The following WDR49 variants were observed in gnomAD, a reference collection of about 807,000 sequenced individuals.
The protein encoded by WDR49 is WD repeat domain 49.
A neutral mutation model predicts 119.5 loss-of-function variants in WDR49; 107 were observed. That is an observed-to-expected ratio of 0.90 (90% CI 0.77 to 1.05). The LOEUF (loss-of-function observed/expected upper bound fraction) is 1.05, where lower values mean the gene tolerates loss of function less well. WDR49 is among the 50% of genes least tolerant of loss of function. The pLI is 0.00. For missense variants in WDR49, 1,240 were observed against 1,220.5 expected (o/e 1.02, Z -0.24); for synonymous variants, 425 against 418.8 (o/e 1.01, Z -0.18).
intron 18 of WDR49, among the ~76,000 whole-genome samples, chr3:167,492,843 T>C (rs1210984489): frequency 1.4e-5 from 2 of 138,820 alleles, no homozygotes; most frequent in Non-Finnish European, 1.6e-5. Context: ...AAGACATCCA[T>C]TATCACCTCA....
At chr3:167,539,120 G>C (rs770731235) in intron 10 of WDR49, among the ~76,000 whole-genome samples, 1 of 152,114 alleles carries the variant, frequency 6.6e-6, no homozygotes, top group Non-Finnish European at 1.5e-5. Flanking sequence ...TGCTCAAAAA[G>C]TTTAAGGAAG....
At chr3:167,575,192 C>A (rs1714168506) in intron 8 of WDR49, 1 of 985,328 alleles carries the variant, frequency 1.0e-6, no homozygotes, top group Non-Finnish European at 1.2e-6. Context: ...AGCAGGCTAA[C>A]CTCTGATGTT....
intron 18 of WDR49, among the ~76,000 whole-genome samples, chr3:167,479,614 T>C (rs924243749): frequency 5.9e-5 from 9 of 152,176 alleles, no homozygotes; most frequent in Non-Finnish European, 1.0e-4. Context: ...TGTTGAGGCA[T>C]AAATGAGGCA....
Position 167,522,350 on chromosome 3 carries a change from T to C in WDR49, c.2739A>G (p.Leu913=). Residue 913 remains leucine (L), a synonymous_variant, in exon 16 of 19, where the codon CTA becomes CTG. Transcript: ENST00000682715. ...ESCLDPTEHS[L]LNKKNKDDST... is the part of the protein sequence containing the mutation. ...AGTCATCTTTGTTTTTCTTATTAAG[T>C]AGAGAATGTTCTGTTGGGTCTAAAC... The C allele has an allele frequency of 1.3e-6, 2 of 1,594,778 alleles. No individual in the cohort carries two copies. Among genetic ancestry groups the C allele is most frequent in the Non-Finnish European group, 1.7e-6 (2 of 1,175,616 alleles).
At position 167,554,716 on chromosome 3, in the gene WDR49, A is replaced by T. The variant is rs199932527; in HGVS notation, c.1757T>A (p.Leu586His). The T allele has an allele frequency of 1.6e-5, 26 of 1,613,552 alleles. No individual in the cohort carries two copies. Among genetic ancestry groups the T allele is most frequent in the Non-Finnish European group, 2.0e-5 (24 of 1,179,698 alleles). The change falls in exon 10 of 19, where the codon CTT (leucine) becomes CAT (histidine). Residue 586 changes from leucine (L) to histidine (H), a missense_variant. Physicochemically the swap from Leu to His is moderately conservative, Grantham distance 99. Transcript: ENST00000682715. Reference sequence around the variant, plus strand: ...GCCTGTAACCAGTATTTTCTTCTTAAGAATGAGGATTTGTGAAATATCCAC... The same window carrying T: ...GCCTGTAACCAGTATTTTCTTCTTATGAATGAGGATTTGTGAAATATCCAC... ...GAVDISQILI[L>H]KKKILVTGWE...
chr3:167,527,688 G>A, intron 15 of WDR49, 132 bp downstream of exon 15: 1 of 947,764 alleles, frequency 1.1e-6, no homozygotes, highest in Non-Finnish European at 1.5e-6. Context: ...TGGAGCTACT[G>A]CTTCGGAAAT....
At position 167,532,889 on chromosome 3, in the gene WDR49, C is replaced by A; in HGVS notation, c.2043G>T (p.Lys681Asn). The A allele has an allele frequency of 6.2e-7, 1 of 1,608,650 alleles. No individual in the cohort carries two copies. Among genetic ancestry groups the A allele is most frequent in the South Asian group, 1.1e-5 (1 of 90,326 alleles). ...CAAACTCACACTTACCTAATTTTGA[C>A]TTTAGCAACCTCTGGTAATCAGGGT... is the stretch of plus-strand genomic sequence containing the variant. ...VLHPDYQRLLKSKLDTKPQKL... is the reference protein window; with the variant it reads ...VLHPDYQRLLNSKLDTKPQKL... The change falls in exon 12 of 19, where the codon AAG becomes AAT. Residue 681 changes from lysine to asparagine, a missense_variant. Transcript: ENST00000682715.
At chr3:167,637,564 A>C (rs1192626917) in intron 2 of WDR49, among the ~76,000 whole-genome samples, 1 of 151,738 alleles carries the variant, frequency 6.6e-6, no homozygotes, top group Non-Finnish European at 1.5e-5. Context: ...ATTGCTCTGA[A>C]TTTGTAGATT....
rs533935539 is a variant in WDR49 at position 167,601,375 on chromosome 3, T to C, written c.1275+752A>G. Among the ~76,000 whole-genome samples the C allele has an allele frequency of 2.6e-5, 4 of 152,322 alleles. No homozygotes were observed. In the South Asian group the frequency reaches 8.3e-4, roughly 32 times the overall value. On this transcript the variant is annotated intron_variant, in intron 7 of 18. Coordinates refer to ENST00000682715, the MANE Select transcript of WDR49 (RefSeq NM_001366157.1). ...TATTTTAGCATACAACAAAAATTTA[T>C]ATTCACTCAAAGACTATCTTCAATA...
chr3:167,510,418 T>G lies in WDR49; in HGVS notation c.2775-5002A>C, dbSNP rs552600351. 4.8e-4 allele frequency among the ~76,000 whole-genome samples: 73 copies of G among 152,314 alleles called. 1 individual carries two copies. The highest frequency in any genetic ancestry group is 9.6e-4 in the Non-Finnish European group (65 of 68,014). ...GAAAAATATATGTCCACTGTAGTTT[T>G]TTTTACTATTTTATCCCTTCACTTA... On this transcript the variant is annotated intron_variant, in intron 16 of 18. Coordinates refer to ENST00000682715, the MANE Select transcript of WDR49 (RefSeq NM_001366157.1).
intron 8 of WDR49, among the ~76,000 whole-genome samples, chr3:167,566,119 A>G (rs1446308569): frequency 6.6e-6 from 1 of 152,192 alleles, no homozygotes; most frequent in Non-Finnish European, 1.5e-5. Context: ...ATGATGAAAG[A>G]GGCTGAGGAA....
chr3:167,610,926 G>C (rs1388269533), intron 5 of WDR49, among the ~76,000 whole-genome samples: 2 of 152,172 alleles, frequency 1.3e-5, no homozygotes, highest in African/African-American at 4.8e-5. Flanking sequence ...CCCAGATCTG[G>C]TCTGAGATCT....
chr3:167,580,625 AC>A, intron 7 of WDR49, among the ~76,000 whole-genome samples: 1 of 152,168 alleles, frequency 6.6e-6, no homozygotes, highest in Non-Finnish European at 1.5e-5. Flanking sequence ...TTAGCTTTAA[AC>A]CAGGTAATTG....
At chr3:167,592,106 T>C (rs899271624) in intron 7 of WDR49, among the ~76,000 whole-genome samples, 3 of 152,174 alleles carry the variant, frequency 2.0e-5, no homozygotes, top group Non-Finnish European at 2.9e-5. Flanking sequence ...TTGAAAATAC[T>C]ATCTTATAAT....
chr3:167,567,241 C>A (rs1560289484), intron 8 of WDR49, among the ~76,000 whole-genome samples: 1 of 152,198 alleles, frequency 6.6e-6, no homozygotes, highest in Non-Finnish European at 1.5e-5. Context: ...TTTTCTGGCA[C>A]TGCTTCTTCT....
chr3:167,587,957 AATTAT>A (rs1036024285), intron 7 of WDR49, among the ~76,000 whole-genome samples: 59 of 152,282 alleles, frequency 3.9e-4, no homozygotes, highest in African/African-American at 1.3e-3. Context: ...CAAGCAATCC[AATTAT>A]ATTATGTTAG....
chr3:167,600,160 G>A (rs983943921), intron 7 of WDR49, among the ~76,000 whole-genome samples: 8 of 151,978 alleles, frequency 5.3e-5, no homozygotes, highest in South Asian at 2.1e-4. Context: ...CTCCTCAAGC[G>A]GAAGGAAGGG....
Position 167,494,493 on chromosome 3 carries a change from T to C in WDR49, c.3031+5660A>G, listed in dbSNP as rs565113648. On this transcript the variant is annotated intron_variant, in intron 18 of 18. Coordinates refer to ENST00000682715, the MANE Select transcript of WDR49 (RefSeq NM_001366157.1). ...ATAGGAAAAAAAAAAACAGATAAAT[T>C]ACAAATGATATGTTTAAAGCCATCA... 2.2e-4 allele frequency among the ~76,000 whole-genome samples: 34 copies of C among 152,188 alleles called. 1 individual carries two copies. The South Asian group carries it at 5.6e-3, about 25-fold the overall frequency.
At chr3:167,595,645 C>CT (rs2108299753) in intron 7 of WDR49, among the ~76,000 whole-genome samples, 1 of 152,270 alleles carries the variant, frequency 6.6e-6, no homozygotes, top group African/African-American at 2.4e-5. Context: ...ATAAATGGTG[C>CT]TGGGGAAATT....
Sources: allele counts gnomAD v4.1 joint callset (sites outside exome capture counted in the v4.1 genomes callset), GRCh38; gene constraint gnomAD v4.1.1; transcripts MANE v1.5; gene names NCBI Gene and HGNC (gene_info 2026-07-23, HGNC 2026-07-21).